The following DOCK11 variants were observed in gnomAD, a reference collection of about 807,000 sequenced individuals.
The protein encoded by DOCK11 is dedicator of cytokinesis protein 11.
Under a neutral mutation model 169.1 loss-of-function variants are expected in DOCK11, and 70 were observed. The observed-to-expected ratio is 0.41, with a 90% CI of 0.34 to 0.51. The LOEUF (loss-of-function observed/expected upper bound fraction) is 0.51, where lower values mean the gene tolerates loss of function less well. Among genes scored for constraint, DOCK11 ranks in the 20% least tolerant of loss-of-function variants. The probability of loss-of-function intolerance (pLI) is 0.10; values close to 1 mark genes in which losing one functional copy is unlikely to be tolerated. For missense variants in DOCK11, 1,166 were observed against 1,538.8 expected (o/e 0.76, Z 4.05); for synonymous variants, 529 against 541.3 (o/e 0.98, Z 0.32).
At chrX:118,640,182 C>G (rs1187430044) in intron 38 of DOCK11, among the ~76,000 whole-genome samples, 1 of 111,887 alleles carries the variant, frequency 8.9e-6, no homozygotes, top group East Asian at 2.8e-4. Context: ...AGAAATCTTG[C>G]CCAACTGCGG....
chrX:118,669,532 T>A (rs2016417995), intron 45 of DOCK11, among the ~76,000 whole-genome samples: 1 of 111,527 alleles, frequency 9.0e-6, no homozygotes, highest in Non-Finnish European at 1.9e-5. Context: ...TGGAAGGGGG[T>A]GAGCTAACTC....
intron 46 of DOCK11, among the ~76,000 whole-genome samples, chrX:118,674,891 C>T (rs748620123): frequency 1.8e-5 from 2 of 111,925 alleles, no homozygotes; most frequent in South Asian, 7.4e-4. Context: ...TGAAGTGGCA[C>T]CTCATTGTCT....
At chrX:118,506,535 G>A (rs776802845) in intron 1 of DOCK11, among the ~76,000 whole-genome samples, 3 of 109,810 alleles carry the variant, frequency 2.7e-5, no homozygotes, top group African/African-American at 1.0e-4. Context: ...GCATGGTGGT[G>A]CACGCCTGTA....
chrX:118,612,162 T>C (rs2014700526), intron 28 of DOCK11, among the ~76,000 whole-genome samples: 2 of 112,152 alleles, frequency 1.8e-5, no homozygotes, highest in Non-Finnish European at 3.8e-5. Flanking sequence ...ATTAAGAACC[T>C]TGTGGGCAGC....
intron 40 of DOCK11, among the ~76,000 whole-genome samples, chrX:118,648,594 A>G (rs1364707989): frequency 1.0e-5 from 1 of 99,359 alleles, no homozygotes; most frequent in Non-Finnish European, 2.0e-5. Context: ...TATATAATAT[A>G]TATAATATAT....
chrX:118,554,419 G>A (rs914049218), intron 6 of DOCK11, among the ~76,000 whole-genome samples: 5 of 110,525 alleles, frequency 4.5e-5, no homozygotes, highest in African/African-American at 1.3e-4. Context: ...GCGTCGTGGT[G>A]TGCACCTGTA....
intron 4 of DOCK11, 51 bp from the exon 5 acceptor site, chrX:118,545,272 T>C (rs1603049031): frequency 1.3e-5 from 1 of 76,772 alleles, no homozygotes; most frequent in African/African-American, 1.4e-4. Flanking sequence ...GTTGTTTTTC[T>C]TTTTTTTTTT....
intron 44 of DOCK11, among the ~76,000 whole-genome samples, chrX:118,662,157 G>A (rs1056874378): frequency 9.0e-6 from 1 of 111,622 alleles, no homozygotes; most frequent in Non-Finnish European, 1.9e-5. Flanking sequence ...GGTTCTTCCA[G>A]TGCCCCATCC....
chrX:118,519,715 C>T (rs1261480141), intron 1 of DOCK11, among the ~76,000 whole-genome samples: 2 of 111,890 alleles, frequency 1.8e-5, no homozygotes, highest in Admixed American at 9.5e-5. Flanking sequence ...CAAATTTGGG[C>T]AAATCACGTC....
At chrX:118,516,093 C>CTTTTTTTTTTTTTTTTTTTTTTTTTTTT (rs773184047) in intron 1 of DOCK11, among the ~76,000 whole-genome samples, 3 of 54,996 alleles carry the variant, frequency 5.5e-5, no homozygotes, top group African/African-American at 1.6e-4. Context: ...TTTTCTTTTT[C>CTTTTTTTTTTTTTTTTTTTTTTTTTTTT]TTTTTTTTTT....
At position 118,542,729 on chromosome X, in the gene DOCK11, A is replaced by C. The variant is rs1473654052; in HGVS notation, c.107A>C (p.Lys36Thr). 8.3e-7 allele frequency: 1 copy of C among 1,198,405 alleles called. No individual in the cohort carries two copies. Among genetic ancestry groups the C allele is most frequent in the Non-Finnish European group, 1.1e-6 (1 of 887,750 alleles). The change falls in exon 2 of 53, where the codon AAG becomes ACG. Residue 36 changes from lysine (K) to threonine (T), a missense_variant. Physicochemically the swap from Lys to Thr is moderately conservative, Grantham distance 78. Coordinates refer to ENST00000276202, the MANE Select transcript of DOCK11 (RefSeq NM_144658.4). ...EAVRGSVVLE[K>T]AKVVEPLDYE... ...TTACTTTTGTCTCTTATAAAGGAAA[A>C]GGCCAAAGTTGTTGAGCCCCTGGAC...
intron 6 of DOCK11, among the ~76,000 whole-genome samples, chrX:118,546,585 A>G (rs1270901817): frequency 2.7e-5 from 3 of 112,212 alleles, no homozygotes; most frequent in Admixed American, 1.9e-4. Context: ...CTAGTATACA[A>G]AGCAGTCCTT....
At chrX:118,630,652 T>C (rs1937176) in intron 35 of DOCK11, among the ~76,000 whole-genome samples, 162 bp downstream of exon 35, 8,697 of 111,978 alleles carry the variant, frequency 0.078, 251 homozygotes, top group African/African-American at 0.093. Flanking sequence ...TAAATTGAAC[T>C]TCAAAATAGG....
intron 7 of DOCK11, among the ~76,000 whole-genome samples, chrX:118,563,566 A>G (rs2012978858): frequency 9.1e-6 from 1 of 110,117 alleles, no homozygotes; most frequent in Admixed American, 9.8e-5. Context: ...TTATATATTC[A>G]TATATATGAA....
intron 46 of DOCK11, among the ~76,000 whole-genome samples, chrX:118,674,821 C>T (rs2016570590): frequency 1.8e-5 from 2 of 111,974 alleles, no homozygotes; most frequent in Admixed American, 1.9e-4. Flanking sequence ...CATATCCTTA[C>T]CAACATTTTT....
intron 31 of DOCK11, 65 bp from the exon 32 acceptor site, chrX:118,624,474 A>G (rs1253493431): frequency 1.4e-6 from 1 of 703,555 alleles, no homozygotes; most frequent in African/African-American, 2.2e-5. Flanking sequence ...ATATGAAGCC[A>G]ACTCCATTTA....
At chrX:118,512,111 A>G (rs961394701) in intron 1 of DOCK11, among the ~76,000 whole-genome samples, 1 of 111,531 alleles carries the variant, frequency 9.0e-6, no homozygotes, top group East Asian at 2.8e-4. Flanking sequence ...CGTGTTGCCC[A>G]GGCTGGTCGC....
chrX:118,655,762 A>G (rs1361086864), intron 44 of DOCK11, among the ~76,000 whole-genome samples: 1 of 112,327 alleles, frequency 8.9e-6, no homozygotes, highest in Non-Finnish European at 1.9e-5. Context: ...AGAAATCTCT[A>G]TCTCAATGTC....
At chrX:118,527,205 A>G (rs890735701) in intron 1 of DOCK11, among the ~76,000 whole-genome samples, 5 of 112,291 alleles carry the variant, frequency 4.5e-5, no homozygotes, top group Admixed American at 1.9e-4. Flanking sequence ...AAACAAAACA[A>G]CTTCTACTGG....
Sources: allele counts gnomAD v4.1 joint callset (sites outside exome capture counted in the v4.1 genomes callset), GRCh38; gene constraint gnomAD v4.1.1; transcripts MANE v1.5; gene names NCBI Gene and HGNC (gene_info 2026-07-23, HGNC 2026-07-21).